RARS2: variants seen among roughly 807,000 people sequenced by gnomAD.
RARS2 encodes probable arginine--tRNA ligase, mitochondrial.
Under a neutral mutation model 88.5 loss-of-function variants are expected in RARS2, and 67 were observed. The ratio of observed to expected loss-of-function variants is 0.76; its 90% CI spans 0.62 to 0.93. The LOEUF is 0.93. Among genes scored for constraint, RARS2 ranks in the 40% least tolerant of loss-of-function variants. RARS2 has a pLI of 0.00. For missense variants in RARS2, 664 were observed against 684.2 expected (o/e 0.97, Z 0.33); for synonymous variants, 239 against 230.3 (o/e 1.04, Z -0.34).
At chr6:87,530,512 AG>A (rs1454141836) in intron 9 of RARS2, among the ~76,000 whole-genome samples, 11 of 152,238 alleles carry the variant, frequency 7.2e-5, no homozygotes, top group Admixed American at 4.6e-4. Flanking sequence ...TACCAGCCTA[AG>A]GAAGTGAAAG....
rs1448995792 is a variant in RARS2 at position 87,555,399 on chromosome 6, C to T, written c.395+9G>A. The T allele has an allele frequency of 1.2e-5, 19 of 1,606,532 alleles. No individual in the cohort carries two copies. Among genetic ancestry groups the T allele is most frequent in the Non-Finnish European group, 1.6e-5 (19 of 1,173,204 alleles). On this transcript the variant is annotated intron_variant, in intron 5 of 19. Transcript: ENST00000369536. ...GATTAAGCAACACATAAAAGGGGTGCACCCTCACCTGAATTCAACCACAAT... is the reference window on the plus strand; with the variant it reads ...GATTAAGCAACACATAAAAGGGGTGTACCCTCACCTGAATTCAACCACAAT...
chr6:87,583,326 T>C (rs934671322), intron 1 of RARS2, among the ~76,000 whole-genome samples: 2 of 152,180 alleles, frequency 1.3e-5, no homozygotes, highest in Admixed American at 6.5e-5. Context: ...ATGGTGGCTC[T>C]TGCCTGTAAT....
intron 4 of RARS2, among the ~76,000 whole-genome samples, chr6:87,557,742 T>G (rs1440382338): frequency 2.0e-5 from 3 of 152,188 alleles, no homozygotes; most frequent in Non-Finnish European, 4.4e-5. Flanking sequence ...AAAGACACAA[T>G]TCTCTCTCAA....
intron 1 of RARS2, among the ~76,000 whole-genome samples, chr6:87,582,958 A>G (rs1774058948): frequency 6.6e-6 from 1 of 152,228 alleles, no homozygotes; most frequent in African/African-American, 2.4e-5. Flanking sequence ...GCAATTTGTG[A>G]TCCTATATGG....
At chr6:87,564,254 A>C in intron 2 of RARS2, 22 bp from the exon 3 acceptor site, 7 of 1,502,088 alleles carry the variant, frequency 4.7e-6, no homozygotes, top group Non-Finnish European at 6.5e-6. Context: ...CATCGAAACG[A>C]GATAGAACTG....
At chr6:87,531,029 G>A in intron 8 of RARS2, 87 bp from the exon 9 acceptor site, 2 of 1,575,542 alleles carry the variant, frequency 1.3e-6, no homozygotes, top group Non-Finnish European at 1.7e-6. Flanking sequence ...AGCACATTCT[G>A]AGAATTCTCA....
intron 1 of RARS2, among the ~76,000 whole-genome samples, chr6:87,587,709 A>T (rs1289177563): frequency 6.6e-6 from 1 of 152,198 alleles, no homozygotes; most frequent in Non-Finnish European, 1.5e-5. Context: ...CATGAGCTTA[A>T]ATGTGAATGT....
intron 1 of RARS2, among the ~76,000 whole-genome samples, chr6:87,588,187 C>T (rs1775719342): frequency 6.6e-6 from 1 of 152,212 alleles, no homozygotes; most frequent in African/African-American, 2.4e-5. Flanking sequence ...CACCCTTACA[C>T]ACAGCTTAGA....
At chr6:87,555,727 T>C (rs1785657865) in intron 4 of RARS2, among the ~76,000 whole-genome samples, 1 of 152,238 alleles carries the variant, frequency 6.6e-6, no homozygotes, top group African/African-American at 2.4e-5. Context: ...TGCCCTTTTA[T>C]ACTCCATGTC....
Position 87,514,242 on chromosome 6 carries a change from TGGAGG to T in RARS2, c.*166_*170del. 2 of 455,916 alleles carry T rather than the reference TGGAGG, an allele frequency of 4.4e-6. No homozygotes were observed. The highest frequency in any genetic ancestry group is 8.0e-6 in the Non-Finnish European group (2 of 251,168). The allele number at this position is 455,916 out of a possible 1,614,324, so 28.2% of individuals were successfully genotyped here. On this transcript the variant is annotated 3_prime_UTR_variant, in exon 20 of 20. Coordinates refer to ENST00000369536, the MANE Select transcript of RARS2 (RefSeq NM_020320.5). ...AGGAGAATTGCTTGAACCTGGGAGG[TGGAGG>T]TTGCAGTGAGCCAACATCACACCAT...
chr6:87,543,737 T>C lies in RARS2; in HGVS notation c.536-1743A>G, dbSNP rs74852241. On this transcript the variant is annotated intron_variant, in intron 7 of 19. Transcript: ENST00000369536. ...ACACATTTTTCTATTCAAGGTTCAG[T>C]AGAAAGTGGGACGTGACTGAACACA... Among the ~76,000 whole-genome samples, 628 of 152,226 alleles carry C rather than the reference T, an allele frequency of 4.1e-3. 23 individuals carry two copies. In the East Asian group the frequency reaches 0.1, roughly 25 times the overall value.
At chr6:87,580,681 G>A (rs749393249) in intron 1 of RARS2, among the ~76,000 whole-genome samples, 79 of 151,612 alleles carry the variant, frequency 5.2e-4, no homozygotes, top group Non-Finnish European at 8.7e-4. Flanking sequence ...GGGTGGTCTT[G>A]AACTGGACTC....
chr6:87,547,019 G>C (rs188226755), intron 6 of RARS2, among the ~76,000 whole-genome samples: 18 of 152,276 alleles, frequency 1.2e-4, no homozygotes, highest in Middle Eastern at 6.8e-3. Context: ...AATACTTTGG[G>C]ATGTTGGGAA....
intron 3 of RARS2, 64 bp downstream of exon 3, chr6:87,564,066 C>T: frequency 1.6e-6 from 2 of 1,257,884 alleles, no homozygotes; most frequent in South Asian, 2.4e-5. Flanking sequence ...AGATAGCCTG[C>T]AAAGTACTTT....
At chr6:87,523,393 T>C (rs1343162088) in intron 11 of RARS2, among the ~76,000 whole-genome samples, 1 of 152,136 alleles carries the variant, frequency 6.6e-6, no homozygotes, top group Non-Finnish European at 1.5e-5. Flanking sequence ...ACAACTTTCA[T>C]TTACATCCCC....
intron 10 of RARS2, among the ~76,000 whole-genome samples, chr6:87,525,682 G>A (rs1775431891): frequency 6.6e-6 from 1 of 151,760 alleles, no homozygotes; most frequent in Non-Finnish European, 1.5e-5. Flanking sequence ...TCAAGTAGCT[G>A]GAATTAGGCG....
chr6:87,529,710 A>C (rs1414209946), intron 9 of RARS2, 62 bp from the exon 10 acceptor site: 6 of 1,180,980 alleles, frequency 5.1e-6, no homozygotes, highest in Non-Finnish European at 7.6e-6. Context: ...TTCTTACCCT[A>C]AGGCAAAATT....
chr6:87,542,418 T>C (rs1252063475), intron 7 of RARS2, among the ~76,000 whole-genome samples: 1 of 152,210 alleles, frequency 6.6e-6, no homozygotes, highest in African/African-American at 2.4e-5. Context: ...GAAACTGTTT[T>C]CAAACTTTCT....
chr6:87,579,556 G>A (rs780890575), intron 1 of RARS2, among the ~76,000 whole-genome samples: 6 of 151,804 alleles, frequency 4.0e-5, no homozygotes, highest in African/African-American at 7.3e-5. Context: ...TAAGAACCAC[G>A]GCTTAGGGAG....
Sources: gnomAD v4.1 joint callset for allele counts (sites outside exome capture counted in the v4.1 genomes callset) on GRCh38, gnomAD v4.1.1 for gene constraint, MANE v1.5 for transcripts, NCBI Gene and HGNC (gene_info 2026-07-23, HGNC 2026-07-21) for gene names.